Variants in FDPS observed in about 807,000 individuals in gnomAD.
The protein encoded by FDPS is farnesyl pyrophosphate synthase.
Under a neutral mutation model 49.5 loss-of-function variants are expected in FDPS, and 29 were observed. That is an observed-to-expected ratio of 0.59 (90% confidence interval 0.44 to 0.80). The LOEUF is 0.80. Ranked by LOEUF, FDPS falls within the 30% of genes least tolerant of loss-of-function variation. FDPS has a pLI of 0.00. For synonymous variants in FDPS, 172 were observed against 206.4 expected, an observed-to-expected ratio of 0.83 and a Z score of 1.43; for missense variants, 414 against 525.6, an observed-to-expected ratio of 0.79 and a Z score of 2.08.
Position 155,320,055 on chromosome 1 carries a change from A to G in FDPS, c.1059+127A>G, listed in dbSNP as rs575100393. 11 of 1,120,864 alleles carry G rather than the reference A, an allele frequency of 9.8e-6. No individual in the cohort carries two copies. The South Asian group carries it at 1.5e-4, about 15-fold the overall frequency. The allele number at this position is 1,120,864 out of a possible 1,614,324, so 69.4% of individuals were successfully genotyped here. ...TCAGCAGACATTTTTTGCCATTGTCATTACAACTCTGTGTGTGTGCATGTG... is the reference window on the plus strand; with the variant it reads ...TCAGCAGACATTTTTTGCCATTGTCGTTACAACTCTGTGTGTGTGCATGTG... On this transcript the variant is annotated intron_variant, in intron 10 of 10. Coordinates refer to ENST00000368356, the MANE Select transcript of FDPS (RefSeq NM_002004.4).
chr1:155,315,691 A>T (rs1430491946), intron 4 of FDPS, among the ~76,000 whole-genome samples: 1 of 151,496 alleles, frequency 6.6e-6, no homozygotes, highest in Non-Finnish European at 1.5e-5. Flanking sequence ...CTCAAAAAAA[A>T]ACAAAAAACA....
chr1:155,310,892 T>C (rs1648731423), intron 3 of FDPS, among the ~76,000 whole-genome samples: 1 of 152,170 alleles, frequency 6.6e-6, no homozygotes, highest in Non-Finnish European at 1.5e-5. Flanking sequence ...GAAACCCCTA[T>C]TCTAGAACAT....
At chr1:155,314,779 GTT>G (rs766090794) in intron 4 of FDPS, among the ~76,000 whole-genome samples, 3 of 143,988 alleles carry the variant, frequency 2.1e-5, no homozygotes, top group Admixed American at 7.0e-5. Flanking sequence ...CCTGGCCTGG[GTT>G]TTTTTTTTTT....
intron 9 of FDPS, 41 bp downstream of exon 9, chr1:155,319,729 T>G (rs1203523843): frequency 6.2e-7 from 1 of 1,613,966 alleles, no homozygotes; most frequent in Non-Finnish European, 8.5e-7. Flanking sequence ...AGGCACCAGC[T>G]TCACTCCTCC....
In FDPS at chr1:155,320,637, A is replaced by T; in HGVS notation, c.*28A>T. ...TAGAGATTGCAAGGGCGGGGAGAGG[A>T]GGCTCTCAATAAATAATCGTGTAAC... On this transcript the variant is annotated 3_prime_UTR_variant, in exon 11 of 11. Coordinates refer to ENST00000368356, the MANE Select transcript of FDPS (RefSeq NM_002004.4). 6.2e-7 allele frequency: 1 copy of T among 1,610,432 alleles called. No homozygotes were observed. Among genetic ancestry groups the T allele is most frequent in the Middle Eastern group, 1.7e-4 (1 of 6,052 alleles).
At chr1:155,317,683 T>TA in intron 4 of FDPS, 1 of 321,368 alleles carries the variant, frequency 3.1e-6, no homozygotes, top group East Asian at 5.8e-5. Context: ...AAAAAATAAA[T>TA]TAAAAAAAAA....
rs1650232532 is a variant in FDPS at position 155,320,449 on chromosome 1, TG to T, written c.1101del (p.Lys368ArgfsTer66). 1 of 1,613,466 alleles carries T rather than the reference TG, an allele frequency of 6.2e-7. No homozygotes were observed. The highest frequency in any genetic ancestry group is 8.5e-7 in the Non-Finnish European group (1 of 1,179,938). On this transcript the variant is annotated frameshift_variant, in exon 11 of 11. Coordinates refer to ENST00000368356, the MANE Select transcript of FDPS (RefSeq NM_002004.4). LOFTEE classifies it low-confidence loss of function (END_TRUNC). The part of the protein sequence containing the change: ...GQKEAEKVAR[V>X]KALYEELDLP... Reference sequence around the variant, plus strand: ...AAGGAGGCTGAGAAAGTGGCCCGGGTGAAGGCGCTATATGAGGAGCTGGATC... The same window carrying T: ...AAGGAGGCTGAGAAAGTGGCCCGGGTAAGGCGCTATATGAGGAGCTGGATC...
chr1:155,312,428 C>T (rs771536978), intron 4 of FDPS, 33 bp downstream of exon 4: 102 of 1,604,412 alleles, frequency 6.4e-5, no homozygotes, highest in Non-Finnish European at 2.2e-5. Context: ...GAAGAAGTTT[C>T]CTGCAATGGT....
chr1:155,314,482 A>G (rs1030923271), intron 4 of FDPS, among the ~76,000 whole-genome samples: 1 of 148,002 alleles, frequency 6.8e-6, no homozygotes, highest in African/African-American at 2.5e-5. Context: ...CCTGGTCTAA[A>G]TTTTTTTTTA....
rs779490220 is a variant in FDPS at position 155,310,137 on chromosome 1, G to A, written c.271G>A (p.Val91Ile). The A allele has an allele frequency of 3.1e-6, 5 of 1,613,920 alleles. No individual in the cohort carries two copies. In the South Asian group the frequency reaches 3.3e-5, roughly 11 times the overall value. ...QDFVQHFSQI[V>I]RVLTEDEMGH... Reference sequence around the variant, plus strand: ...TTTCGTTCAGCACTTCTCCCAGATCGTTAGGGTGCTGACTGAGGATGAGAT... The same window carrying A: ...TTTCGTTCAGCACTTCTCCCAGATCATTAGGGTGCTGACTGAGGATGAGAT... Residue 91 changes from valine (V) to isoleucine (I), a missense_variant, in exon 3 of 11, where the codon GTT (valine) becomes ATT (isoleucine). Val to Ile is a conservative substitution (Grantham distance 29, BLOSUM62 3). Coordinates refer to ENST00000368356, the MANE Select transcript of FDPS (RefSeq NM_002004.4).
chr1:155,319,440 T>G (rs1420783202), intron 8 of FDPS, among the ~76,000 whole-genome samples, 171 bp from the exon 9 acceptor site: 1 of 151,916 alleles, frequency 6.6e-6, no homozygotes, highest in Non-Finnish European at 1.5e-5. Flanking sequence ...CAAAAATAAG[T>G]GGGATTGAGG....
Position 155,312,350 on chromosome 1 carries a change from T to G in FDPS, c.435T>G (p.Ala145=). 4 of 1,614,042 alleles carry G rather than the reference T, an allele frequency of 2.5e-6. No homozygotes were observed. The highest frequency in any genetic ancestry group is 3.4e-6 in the Non-Finnish European group (4 of 1,180,004). Residue 145 remains alanine (A), a synonymous_variant, in exon 4 of 11, where the codon GCT becomes GCG. Coordinates refer to ENST00000368356, the MANE Select transcript of FDPS (RefSeq NM_002004.4). The part of the protein sequence containing the change: ...RELVEPRKQD[A]DSLQRAWTVG... ...TGGTGGAGCCAAGGAAACAGGATGC[T>G]GATAGTCTCCAGCGGGCCTGGACTG...
At position 155,310,217 on chromosome 1, in the gene FDPS, A is replaced by G. The variant is rs765712942; in HGVS notation, c.339+12A>G. The G allele has an allele frequency of 3.7e-6, 6 of 1,613,244 alleles. No homozygotes were observed. Among genetic ancestry groups the G allele is most frequent in the African/African-American group, 2.7e-5 (2 of 74,826 alleles). ...CCCGGCTCAAGGAGGTGAGGGATTC[A>G]TGACTTGGGGGAGTAAGGCTTTGGT... is the stretch of plus-strand genomic sequence containing the variant. On this transcript the variant is annotated intron_variant, in intron 3 of 10. Transcript: ENST00000368356.
chr1:155,319,594 C>A lies in FDPS; in HGVS notation c.847-17C>A, dbSNP rs1572101466. ...GCACCCCTGGGGTTTGGCTTATTAA[C>A]CCCCCTTTCCCTGCAGGCAGGAATT... On this transcript the variant is annotated splice_polypyrimidine_tract_variant and intron_variant, in intron 8 of 10. Coordinates refer to ENST00000368356, the MANE Select transcript of FDPS (RefSeq NM_002004.4). 2.5e-6 allele frequency: 4 copies of A among 1,613,094 alleles called. No individual in the cohort carries two copies. The Admixed American group carries it at 5.0e-5, about 20-fold the overall frequency.
intron 3 of FDPS, 111 bp from the exon 4 acceptor site, chr1:155,312,144 T>C: frequency 8.2e-7 from 1 of 1,221,772 alleles, no homozygotes; most frequent in Non-Finnish European, 1.2e-6. Context: ...GGAGTTGGGG[T>C]TGGGGAGGAT....
intron 3 of FDPS, 36 bp downstream of exon 3, chr1:155,310,241 GT>G: frequency 1.9e-6 from 3 of 1,608,282 alleles, no homozygotes; most frequent in Non-Finnish European, 2.6e-6. Flanking sequence ...TAAGGCTTTG[GT>G]TCAGTTGCTC....
chr1:155,309,539 A>G (rs1345826483), intron 1 of FDPS: 5 of 405,988 alleles, frequency 1.2e-5, no homozygotes, highest in South Asian at 7.6e-5. Flanking sequence ...TGTGCACGCC[A>G]TCTTGAAGGC....
chr1:155,317,920 G>T (rs1168667608), intron 4 of FDPS, 21 bp from the exon 5 acceptor site: 6 of 1,605,008 alleles, frequency 3.7e-6, no homozygotes, highest in Non-Finnish European at 1.7e-6. Flanking sequence ...AGCCCTGCAG[G>T]TCTTATTCCA....
chr1:155,313,601 G>C (rs1649018841), intron 4 of FDPS, among the ~76,000 whole-genome samples: 4 of 152,124 alleles, frequency 2.6e-5, no homozygotes, highest in Admixed American at 1.3e-4. Flanking sequence ...CGGGGAGATG[G>C]GTCTGGAGAA....
Sources: gnomAD v4.1 joint callset for allele counts (sites outside exome capture counted in the v4.1 genomes callset) on GRCh38, gnomAD v4.1.1 for gene constraint, MANE v1.5 for transcripts, NCBI Gene and HGNC (gene_info 2026-07-23, HGNC 2026-07-21) for gene names.